SKAP1: variants seen among roughly 807,000 people sequenced by gnomAD.
The protein encoded by SKAP1 is src kinase-associated phosphoprotein 1.
Under a neutral mutation model 58.5 loss-of-function variants are expected in SKAP1, and 44 were observed. The ratio of observed to expected loss-of-function variants is 0.75; its 90% confidence interval spans 0.59 to 0.97. The LOEUF (loss-of-function observed/expected upper bound fraction) is 0.97, where lower values mean the gene tolerates loss of function less well. SKAP1 is among the 50% of genes least tolerant of loss of function. The probability of loss-of-function intolerance (pLI) is 0.00; values close to 1 mark genes in which losing one functional copy is unlikely to be tolerated. For missense variants in SKAP1, 390 were observed against 435.2 expected (o/e 0.90, Z 0.92); for synonymous variants, 127 against 149.7 (o/e 0.85, Z 1.11).
At chr17:48,352,772 A>T (rs2066818511) in intron 3 of SKAP1, among the ~76,000 whole-genome samples, 1 of 152,204 alleles carries the variant, frequency 6.6e-6, no homozygotes, top group African/African-American at 2.4e-5. Flanking sequence ...CAAAGATGAA[A>T]TAACTTACCC....
intron 1 of SKAP1, among the ~76,000 whole-genome samples, chr17:48,407,507 A>AT (rs572154295): frequency 1.3e-5 from 2 of 152,024 alleles, no homozygotes; most frequent in African/African-American, 2.4e-5. Context: ...ATACGGTTTT[A>AT]TTTTTTTTAA....
At chr17:48,275,312 T>C (rs1390986749) in intron 4 of SKAP1, among the ~76,000 whole-genome samples, 2 of 152,216 alleles carry the variant, frequency 1.3e-5, no homozygotes, top group Non-Finnish European at 2.9e-5. Context: ...TTGATATTGC[T>C]GAGCCCTTTC....
chr17:48,321,130 C>T (rs1005427644), intron 4 of SKAP1, among the ~76,000 whole-genome samples: 1 of 152,116 alleles, frequency 6.6e-6, no homozygotes, highest in African/African-American at 2.4e-5. Flanking sequence ...AAGAATCTCA[C>T]TGGAGTATAG....
intron 1 of SKAP1, among the ~76,000 whole-genome samples, chr17:48,415,223 C>G (rs1445412813): frequency 6.6e-6 from 1 of 152,086 alleles, no homozygotes; most frequent in African/African-American, 2.4e-5. Context: ...TAAAGCAGAA[C>G]TCACATTTCC....
rs554409681 is a variant in SKAP1, at chr17:48,146,996, T to C, written c.979-9659A>G. ...TTCTCACAGTTTCCATTCAAATGGC[T>C]TGGAGCAAGCTGCTTGACACTGTCA... On this transcript the variant is annotated intron_variant, in intron 11 of 12. Transcript: ENST00000336915. 3.3e-5 allele frequency among the ~76,000 whole-genome samples: 5 copies of C among 152,322 alleles called. No individual in the cohort carries two copies. The South Asian group carries it at 6.2e-4, about 19-fold the overall frequency.
chr17:48,340,716 C>CA (rs1218762079), intron 4 of SKAP1, among the ~76,000 whole-genome samples: 1 of 151,770 alleles, frequency 6.6e-6, no homozygotes, highest in African/African-American at 2.4e-5. Flanking sequence ...AACGTAAACA[C>CA]AAAAAATGCT....
chr17:48,264,891 G>T (rs2065526601), intron 4 of SKAP1, among the ~76,000 whole-genome samples: 2 of 152,032 alleles, frequency 1.3e-5, no homozygotes, highest in Non-Finnish European at 2.9e-5. Flanking sequence ...CAGTCAACGA[G>T]GAAACATCTG....
At chr17:48,162,257 C>T (rs896046339) in intron 11 of SKAP1, among the ~76,000 whole-genome samples, 15 of 152,230 alleles carry the variant, frequency 9.9e-5, no homozygotes, top group Non-Finnish European at 4.4e-5. Flanking sequence ...TGAGCCACCA[C>T]GCCCGGCCTA....
intron 9 of SKAP1, among the ~76,000 whole-genome samples, chr17:48,176,079 GC>G (rs2064285991): frequency 1.3e-5 from 2 of 152,196 alleles, no homozygotes; most frequent in African/African-American, 2.4e-5. Flanking sequence ...TCCACAGAAT[GC>G]TTGTTTCCAT....
intron 1 of SKAP1, among the ~76,000 whole-genome samples, chr17:48,412,914 T>C (rs1260313838): frequency 6.6e-6 from 1 of 152,134 alleles, no homozygotes; most frequent in African/African-American, 2.4e-5. Flanking sequence ...CACATGTTAA[T>C]TTAAGTACTT....
chr17:48,438,450 ATAT>A, the SKAP1 span, among the ~76,000 whole-genome samples: 1 of 152,204 alleles, frequency 6.6e-6, no homozygotes, highest in Non-Finnish European at 1.5e-5. Context: ...AGTGGCCAAG[ATAT>A]AGGTATCATT....
At chr17:48,286,931 A>C (rs2065837237) in intron 4 of SKAP1, among the ~76,000 whole-genome samples, 1 of 152,068 alleles carries the variant, frequency 6.6e-6, no homozygotes, top group Non-Finnish European at 1.5e-5. Flanking sequence ...CCCTGTCTCT[A>C]CTAATAACAC....
Position 48,207,411 on chromosome 17 carries a change from G to A in SKAP1, c.281-17911C>T, listed in dbSNP as rs1357438758. 1.1e-4 allele frequency among the ~76,000 whole-genome samples: 16 copies of A among 151,032 alleles called. 1 individual carries two copies. The highest frequency in any genetic ancestry group is 7.9e-4 in the Admixed American group (12 of 15,126). On this transcript the variant is annotated intron_variant, in intron 4 of 12. Coordinates refer to ENST00000336915, the MANE Select transcript of SKAP1 (RefSeq NM_003726.4). ...TGAGGCACAAGAATTGCTTGAGCCT[G>A]GGAGGCAGATGTTGCAGTGAGCTGA... is the stretch of plus-strand genomic sequence containing the variant.
intron 4 of SKAP1, among the ~76,000 whole-genome samples, chr17:48,284,824 T>C (rs893408823): frequency 2.6e-5 from 4 of 152,206 alleles, no homozygotes; most frequent in Middle Eastern, 3.2e-3. Flanking sequence ...GAGACATACA[T>C]GGTAAGACTG....
chr17:48,156,712 G>C (rs895371134), intron 11 of SKAP1, among the ~76,000 whole-genome samples: 1 of 152,226 alleles, frequency 6.6e-6, no homozygotes, highest in African/African-American at 2.4e-5. Context: ...TGTGATGCAG[G>C]GAGGTCAGTG....
At chr17:48,360,334 A>T (rs1343577190) in intron 3 of SKAP1, among the ~76,000 whole-genome samples, 1 of 152,166 alleles carries the variant, frequency 6.6e-6, no homozygotes, top group African/African-American at 2.4e-5. Context: ...TATTAAAACT[A>T]TCACTAACTC....
chr17:48,170,527 G>A, intron 10 of SKAP1, 82 bp downstream of exon 10: 2 of 1,179,760 alleles, frequency 1.7e-6, no homozygotes, highest in Non-Finnish European at 2.5e-6. Context: ...AGTAATTTTT[G>A]TAGTCTCAGA....
chr17:48,301,021 A>T (rs1355475490), intron 4 of SKAP1, among the ~76,000 whole-genome samples: 2 of 152,084 alleles, frequency 1.3e-5, no homozygotes, highest in South Asian at 4.2e-4. Context: ...TCTACCCATT[A>T]TCTTCTCTTT....
chr17:48,440,457 A>G, the SKAP1 span, among the ~76,000 whole-genome samples: 1 of 152,168 alleles, frequency 6.6e-6, no homozygotes, highest in Non-Finnish European at 1.5e-5. Flanking sequence ...GGGAGGTGAG[A>G]CTGTCCCTTA....
Sources: allele counts gnomAD v4.1 joint callset (sites outside exome capture counted in the v4.1 genomes callset), GRCh38; gene constraint gnomAD v4.1.1; transcripts MANE v1.5; gene names NCBI Gene and HGNC (gene_info 2026-07-23, HGNC 2026-07-21).